The following RALGPS1 variants were observed in gnomAD, a reference collection of about 807,000 sequenced individuals.
RALGPS1 encodes ras-specific guanine nucleotide-releasing factor RalGPS1.
A neutral mutation model predicts 78.8 loss-of-function variants in RALGPS1; 19 were observed. That is an observed-to-expected ratio of 0.24 (90% CI 0.17 to 0.35). The LOEUF (loss-of-function observed/expected upper bound fraction) is 0.35, where lower values mean the gene tolerates loss of function less well. Among genes scored for constraint, RALGPS1 ranks in the 10% least tolerant of loss-of-function variants. RALGPS1 has a pLI of 1.00. For synonymous variants in RALGPS1, 228 were observed against 256.3 expected, an observed-to-expected ratio of 0.89 and a Z score of 1.06; for missense variants, 454 against 688.3, an observed-to-expected ratio of 0.66 and a Z score of 3.81.
chr9:127,050,037 C>A lies in RALGPS1; in HGVS notation c.301-6C>A, dbSNP rs748310587. On this transcript the variant is annotated splice_region_variant and splice_polypyrimidine_tract_variant and intron_variant, in intron 5 of 18. Coordinates refer to ENST00000259351, the MANE Select transcript of RALGPS1 (RefSeq NM_014636.3). ...TGTGTGTATGTGTGTGTATTTGACT[C>A]TACAGGTCAGTTTTTGGGTTGTACG... 3 of 1,608,212 alleles carry A rather than the reference C, an allele frequency of 1.9e-6. No individual in the cohort carries two copies. Among genetic ancestry groups the A allele is most frequent in the Non-Finnish European group, 2.6e-6 (3 of 1,174,750 alleles).
chr9:127,011,073 G>T (rs1031470221), intron 4 of RALGPS1, among the ~76,000 whole-genome samples: 1 of 152,136 alleles, frequency 6.6e-6, no homozygotes, highest in African/African-American at 2.4e-5. Flanking sequence ...GATCATAGCA[G>T]TGTGGCCAAG....
At chr9:126,972,490 C>G (rs1348669761) in intron 3 of RALGPS1, among the ~76,000 whole-genome samples, 1 of 152,202 alleles carries the variant, frequency 6.6e-6, no homozygotes, top group Admixed American at 6.5e-5. Context: ...ATGAAAATAT[C>G]TAAGCAGTGA....
chr9:126,996,946 A>C (rs1163718979), intron 4 of RALGPS1, among the ~76,000 whole-genome samples: 1 of 152,232 alleles, frequency 6.6e-6, no homozygotes, highest in East Asian at 1.9e-4. Context: ...TGATTATCTC[A>C]ATAGATGCAG....
intron 4 of RALGPS1, among the ~76,000 whole-genome samples, chr9:127,005,897 T>C (rs1454682125): frequency 6.6e-6 from 1 of 152,238 alleles, no homozygotes; most frequent in East Asian, 1.9e-4. Context: ...AACCTTCTCC[T>C]GCTGGAAGAA....
chr9:127,092,459 T>C (rs2052601701), intron 8 of RALGPS1, among the ~76,000 whole-genome samples: 1 of 152,230 alleles, frequency 6.6e-6, no homozygotes, highest in Non-Finnish European at 1.5e-5. Context: ...TATTGTTTTT[T>C]TTTGCATGTG....
At chr9:127,162,775 G>A (rs1450296204) in intron 8 of RALGPS1, among the ~76,000 whole-genome samples, 1 of 152,126 alleles carries the variant, frequency 6.6e-6, no homozygotes, top group Non-Finnish European at 1.5e-5. Context: ...CCCAGTGTCC[G>A]GCACCTGTTC....
At chr9:127,078,324 G>A (rs2050861240) in intron 8 of RALGPS1, among the ~76,000 whole-genome samples, 2 of 152,004 alleles carry the variant, frequency 1.3e-5, no homozygotes, top group African/African-American at 4.8e-5. Context: ...TTTTTTCTGG[G>A]ACTCTGTAGT....
intron 1 of RALGPS1, among the ~76,000 whole-genome samples, chr9:126,925,523 T>C (rs2035187364): frequency 1.3e-5 from 2 of 150,726 alleles, no homozygotes; most frequent in Non-Finnish European, 3.0e-5. Context: ...ATTCAGGCCC[T>C]GGGAGACAGA....
At chr9:127,015,521 TGAG>T (rs1362098751) in intron 4 of RALGPS1, among the ~76,000 whole-genome samples, 2 of 152,120 alleles carry the variant, frequency 1.3e-5, no homozygotes, top group Non-Finnish European at 2.9e-5. Flanking sequence ...CCTCTCAAAG[TGAG>T]GAGGAGCTTG....
chr9:127,105,371 C>T (rs2054123784), intron 8 of RALGPS1, among the ~76,000 whole-genome samples: 1 of 152,174 alleles, frequency 6.6e-6, no homozygotes, highest in South Asian at 2.1e-4. Flanking sequence ...GTTGTGAACA[C>T]AAAGAAGCAG....
chr9:126,960,072 G>A (rs2038728333), intron 1 of RALGPS1, among the ~76,000 whole-genome samples: 2 of 152,118 alleles, frequency 1.3e-5, no homozygotes, highest in African/African-American at 4.8e-5. Flanking sequence ...AAGAGTCATT[G>A]TCAGCACTGG....
At chr9:127,022,212 G>A (rs62580804) in intron 4 of RALGPS1, among the ~76,000 whole-genome samples, 58,261 of 151,796 alleles carry the variant, frequency 0.38, 12,897 homozygotes, top group Non-Finnish European at 0.48. Context: ...CTGGGGCCTC[G>A]GGAGGCCCTC....
At chr9:127,022,771 C>G (rs893513215) in intron 4 of RALGPS1, among the ~76,000 whole-genome samples, 5 of 152,174 alleles carry the variant, frequency 3.3e-5, no homozygotes, top group African/African-American at 1.2e-4. Flanking sequence ...TCATTCCTGT[C>G]TCTACTCCAT....
intron 8 of RALGPS1, among the ~76,000 whole-genome samples, chr9:127,089,314 C>T (rs940248513): frequency 1.3e-5 from 2 of 152,220 alleles, no homozygotes; most frequent in Admixed American, 1.3e-4. Context: ...GCCTTTGAGG[C>T]TCAGCTTTGT....
At chr9:126,917,676 C>T (rs2034313662) in intron 1 of RALGPS1, among the ~76,000 whole-genome samples, 4 of 152,236 alleles carry the variant, frequency 2.6e-5, no homozygotes, top group African/African-American at 9.6e-5. Context: ...GGCACCTGAT[C>T]CACCTGGTTA....
Position 127,196,601 on chromosome 9 carries a change from T to C in RALGPS1, c.1165T>C (p.Ser389Pro), listed in dbSNP as rs1182223651. ...SPRRGLALTSSSAVTNGLSLG... is the reference protein window; with the variant it reads ...SPRRGLALTSPSAVTNGLSLG... Reference sequence around the variant, plus strand: ...CCGAAGGGGCCTGGCTCTGACCTCCTCCTCTGCTGTCACCAATGGACTCTC... The same window carrying C: ...CCGAAGGGGCCTGGCTCTGACCTCCCCCTCTGCTGTCACCAATGGACTCTC... Residue 389 changes from serine to proline, a missense_variant, in exon 13 of 19, where the codon TCC becomes CCC. Transcript: ENST00000259351. 7 of 1,610,438 alleles carry C rather than the reference T, an allele frequency of 4.3e-6. No individual in the cohort carries two copies. The Admixed American group carries it at 1.2e-4, about 27-fold the overall frequency.
intron 8 of RALGPS1, among the ~76,000 whole-genome samples, chr9:127,132,389 A>G (rs769612731): frequency 7.2e-5 from 11 of 152,230 alleles, no homozygotes; most frequent in Non-Finnish European, 1.6e-4. Flanking sequence ...TGAATTATCT[A>G]CCACCACCAC....
At chr9:127,173,493 G>C (rs895426697) in intron 10 of RALGPS1, among the ~76,000 whole-genome samples, 14 of 152,106 alleles carry the variant, frequency 9.2e-5, no homozygotes, top group Admixed American at 9.2e-4. Flanking sequence ...CCCTTGTTTA[G>C]TTGCACCTGG....
intron 4 of RALGPS1, among the ~76,000 whole-genome samples, chr9:126,996,060 A>G (rs563303893): frequency 1.4e-4 from 22 of 152,146 alleles, no homozygotes; most frequent in African/African-American, 5.3e-4. Context: ...ATAGCACTGA[A>G]TGGCCACAAG....
Sources: allele counts gnomAD v4.1 joint callset (sites outside exome capture counted in the v4.1 genomes callset), GRCh38; gene constraint gnomAD v4.1.1; transcripts MANE v1.5; gene names NCBI Gene and HGNC (gene_info 2026-07-23, HGNC 2026-07-21).